Variants in RPA2 observed in about 807,000 individuals in gnomAD.
The protein encoded by RPA2 is replication protein A2.
A neutral mutation model predicts 33.4 loss-of-function variants in RPA2; 22 were observed. The ratio of observed to expected loss-of-function variants is 0.66; its 90% CI spans 0.47 to 0.94. RPA2 has a LOEUF of 0.94. Among genes scored for constraint, RPA2 ranks in the 40% least tolerant of loss-of-function variants. The pLI is 0.00. For synonymous variants in RPA2, 109 were observed against 114.9 expected, an observed-to-expected ratio of 0.95 and a Z score of 0.33; for missense variants, 279 against 329.9, an observed-to-expected ratio of 0.85 and a Z score of 1.19.
chr1:27,901,292 T>A (rs993959211), intron 4 of RPA2, among the ~76,000 whole-genome samples: 9 of 152,082 alleles, frequency 5.9e-5, no homozygotes, highest in Non-Finnish European at 1.2e-4. Flanking sequence ...GAATGTCCAC[T>A]AGCAAAAACA....
rs1181677797 is a variant in RPA2 at position 27,914,052 on chromosome 1, T to G, written c.117+11A>C. The G allele has an allele frequency of 1.3e-6, 2 of 1,577,884 alleles. No homozygotes were observed. Among genetic ancestry groups the G allele is most frequent in the East Asian group, 2.2e-5 (1 of 44,544 alleles). On this transcript the variant is annotated intron_variant, in intron 2 of 8. Transcript: ENST00000373912. ...AGGATAAAACAAAACTAAATACTCC[T>G]TTCAACCTACTGATTTCTTTTCGGC...
At position 27,894,098 on chromosome 1, in the gene RPA2, A is replaced by G; in HGVS notation, c.642T>C (p.Asn214=). The G allele has an allele frequency of 6.2e-7, 1 of 1,613,742 alleles. No individual in the cohort carries two copies. The highest frequency in any genetic ancestry group is 8.5e-7 in the Non-Finnish European group (1 of 1,179,674). ...CAGGTCTTGGACAAGCCTTAATCAAATTCAACACCTGAAGATTCAAATCAG... is the reference window on the plus strand; with the variant it reads ...CAGGTCTTGGACAAGCCTTAATCAAGTTCAACACCTGAAGATTCAAATCAG... The part of the protein sequence containing the change: ...GLTVAQNQVL[N]LIKACPRPEG... The change falls in exon 8 of 9, where the codon AAT becomes AAC. Residue 214 remains asparagine, a synonymous_variant. Transcript: ENST00000373912.
chr1:27,904,393 G>A (rs2090003168), intron 4 of RPA2, among the ~76,000 whole-genome samples: 1 of 152,092 alleles, frequency 6.6e-6, no homozygotes, highest in South Asian at 2.1e-4. Context: ...TGGTTTATAA[G>A]CAAGCATAGT....
chr1:27,908,859 G>C (rs1196449211), intron 2 of RPA2, among the ~76,000 whole-genome samples: 1 of 152,206 alleles, frequency 6.6e-6, no homozygotes, highest in Non-Finnish European at 1.5e-5. Context: ...CCAGTGGCAA[G>C]AGGTAGTCTG....
intron 5 of RPA2, 28 bp downstream of exon 5, chr1:27,897,604 CT>C: frequency 6.5e-7 from 1 of 1,550,372 alleles, no homozygotes; most frequent in South Asian, 1.2e-5. Context: ...TGCAAAAACA[CT>C]TTAACTGTTA....
In RPA2 at chr1:27,892,339, T is replaced by C. The variant is rs762487430; in HGVS notation, c.729-92A>G. 45 of 942,212 alleles carry C rather than the reference T, an allele frequency of 4.8e-5. 1 individual carries two copies. Among genetic ancestry groups the C allele is most frequent in the Non-Finnish European group, 7.1e-5 (42 of 594,500 alleles). 58.4% of individuals were successfully genotyped at this position (942,212 alleles called of 1,614,324 possible). A position where few individuals can be genotyped will look rare whatever the true frequency, so the allele number is the denominator to read the frequency against. On this transcript the variant is annotated intron_variant, in intron 8 of 8. Coordinates refer to ENST00000373912, the MANE Select transcript of RPA2 (RefSeq NM_002946.5). ...TATGGCCAAATATGCAAACTTCGCT[T>C]ATCTCCCAACTTTCTACCTTAGCTA...
intron 4 of RPA2, among the ~76,000 whole-genome samples, chr1:27,899,166 A>G (rs996540234): frequency 1.3e-5 from 2 of 152,180 alleles, no homozygotes; most frequent in Non-Finnish European, 2.9e-5. Flanking sequence ...TGAGGTTAGG[A>G]GTTCGAGACC....
At chr1:27,899,747 C>A (rs1048744391) in intron 4 of RPA2, among the ~76,000 whole-genome samples, 1 of 152,002 alleles carries the variant, frequency 6.6e-6, no homozygotes, top group East Asian at 1.9e-4. Context: ...GTGGTGGGAT[C>A]TCAGCTCACT....
At chr1:27,896,968 AG>A (rs1314822850) in intron 6 of RPA2, 36 bp downstream of exon 6, 3 of 1,473,370 alleles carry the variant, frequency 2.0e-6, no homozygotes, top group Non-Finnish European at 2.8e-6. Context: ...GTGTTCTTCC[AG>A]GGAAGAGAAA....
chr1:27,907,401 A>C, intron 2 of RPA2, 119 bp from the exon 3 acceptor site: 59 of 815,920 alleles, frequency 7.2e-5, no homozygotes, highest in Non-Finnish European at 1.0e-4. Flanking sequence ...AACAAATCTC[A>C]TTATCCTTGC....
At chr1:27,901,445 C>T (rs769943769) in intron 4 of RPA2, among the ~76,000 whole-genome samples, 13 of 152,152 alleles carry the variant, frequency 8.5e-5, no homozygotes, top group Non-Finnish European at 1.6e-4. Flanking sequence ...TCACTGCAAC[C>T]TCCACCTCCT....
chr1:27,903,962 C>T (rs1000205853), intron 4 of RPA2, among the ~76,000 whole-genome samples: 4 of 150,574 alleles, frequency 2.7e-5, no homozygotes, highest in African/African-American at 4.9e-5. Context: ...GTTGGGAGTT[C>T]GAGACCACCC....
intron 4 of RPA2, among the ~76,000 whole-genome samples, chr1:27,905,260 A>C (rs150275062): frequency 1.3e-5 from 2 of 152,208 alleles, no homozygotes; most frequent in East Asian, 3.9e-4. Context: ...TTTACTTAAT[A>C]ATCCTTTATT....
intron 4 of RPA2, among the ~76,000 whole-genome samples, chr1:27,903,050 C>T (rs1296443991): frequency 6.6e-6 from 1 of 152,132 alleles, no homozygotes; most frequent in Admixed American, 6.5e-5. Context: ...CTGACTCAGC[C>T]TCCCGAGTAG....
At chr1:27,900,597 A>G (rs1300579292) in intron 4 of RPA2, among the ~76,000 whole-genome samples, 1 of 152,062 alleles carries the variant, frequency 6.6e-6, no homozygotes, top group Non-Finnish European at 1.5e-5. Flanking sequence ...GAGAACTGGA[A>G]TTAGAAATGG....
intron 8 of RPA2, 65 bp from the exon 9 acceptor site, chr1:27,892,312 G>T: frequency 7.6e-7 from 1 of 1,307,718 alleles, no homozygotes; most frequent in Non-Finnish European, 1.1e-6. Flanking sequence ...CTGCCTTTTG[G>T]ATATGGCCAA....
chr1:27,893,754 C>T (rs753000046), intron 8 of RPA2, among the ~76,000 whole-genome samples: 8 of 151,970 alleles, frequency 5.3e-5, no homozygotes, highest in South Asian at 2.1e-4. Flanking sequence ...ATTACAGTTG[C>T]GTGCCACCAT....
intron 2 of RPA2, among the ~76,000 whole-genome samples, chr1:27,911,003 G>A (rs1323260864): frequency 6.6e-6 from 1 of 152,004 alleles, no homozygotes; most frequent in African/African-American, 2.4e-5. Context: ...ATCGCCTGAC[G>A]TCAGGAGTTT....
chr1:27,897,779 T>A, intron 4 of RPA2, 72 bp from the exon 5 acceptor site: 1 of 1,073,304 alleles, frequency 9.3e-7, no homozygotes, highest in Non-Finnish European at 1.3e-6. Flanking sequence ...GTTTCTATAT[T>A]ATGTATAGAA....
Sources: allele counts gnomAD v4.1 joint callset (sites outside exome capture counted in the v4.1 genomes callset), GRCh38; gene constraint gnomAD v4.1.1; transcripts MANE v1.5; gene names NCBI Gene and HGNC (gene_info 2026-07-23, HGNC 2026-07-21).